Variants in SKIL observed in about 807,000 individuals in gnomAD.
The protein encoded by SKIL is SKI like proto-oncogene, also known as ski-like protein.
In SKIL, 20 loss-of-function variants were observed where a neutral mutation model predicts 69.6. That is an observed-to-expected ratio of 0.29 (90% CI 0.20 to 0.42). The LOEUF is 0.42. Ranked by LOEUF, SKIL falls within the 10% of genes least tolerant of loss-of-function variation. SKIL has a pLI of 1.00. For synonymous variants in SKIL, 310 were observed against 279.9 expected (o/e 1.11, Z -1.08); for missense variants, 745 against 783.1 (o/e 0.95, Z 0.58).
intron 6 of SKIL, 143 bp from the exon 7 acceptor site, chr3:170,392,116 A>G (rs1342853528): frequency 3.3e-6 from 2 of 599,552 alleles, no homozygotes; most frequent in East Asian, 5.9e-5. Context: ...TCAGATTAAT[A>G]GTATTAGATG....
intron 1 of SKIL, among the ~76,000 whole-genome samples, chr3:170,358,820 A>T (rs909430280): frequency 3.5e-4 from 53 of 152,262 alleles, no homozygotes; most frequent in African/African-American, 1.2e-3. Flanking sequence ...TTGTTGAAGG[A>T]TGGAGATTCC....
chr3:170,392,768 T>C lies in SKIL; in HGVS notation c.*351T>C, dbSNP rs1737992262. On this transcript the variant is annotated 3_prime_UTR_variant, in exon 7 of 7. Coordinates refer to ENST00000259119, the MANE Select transcript of SKIL (RefSeq NM_005414.5). ...GGAAAATAGCTGTGGTCAATTTTGT[T>C]ATCCATATTTCAGACTCAATTTTAG... is the stretch of plus-strand genomic sequence containing the variant. 1 of 156,502 alleles carries C rather than the reference T, an allele frequency of 6.4e-6. No homozygotes were observed. The highest frequency in any genetic ancestry group is 6.5e-5 in the Admixed American group (1 of 15,478). 9.7% of individuals were successfully genotyped at this position (156,502 alleles called of 1,614,324 possible). A position where few individuals can be genotyped will look rare whatever the true frequency, so the allele number is the denominator to read the frequency against.
rs1207560127 is a variant in SKIL at position 170,376,305 on chromosome 3, C to G, written c.1099-4939C>G. ...CAAATGATCCACCCACCTCGGCCTC[C>G]CAGAGTGCTGGGATTACAGGTGTGA... On this transcript the variant is annotated intron_variant, in intron 2 of 6. Transcript: ENST00000259119. Among the ~76,000 whole-genome samples the G allele has an allele frequency of 2.6e-5, 4 of 152,034 alleles. No homozygotes were observed. In the East Asian group the frequency reaches 7.7e-4, roughly 29 times the overall value.
chr3:170,389,400 G>A (rs565697386), intron 4 of SKIL, among the ~76,000 whole-genome samples: 214 of 147,742 alleles, frequency 1.4e-3, no homozygotes, highest in African/African-American at 5.2e-3. Flanking sequence ...TGCAAGCTCC[G>A]CCTCCCAGGT....
chr3:170,384,052 A>C (rs866264406), intron 3 of SKIL, among the ~76,000 whole-genome samples: 40 of 151,368 alleles, frequency 2.6e-4, no homozygotes, highest in East Asian at 9.7e-4. Context: ...AAAAAAAAAA[A>C]CACGAAATTA....
At chr3:170,379,340 G>T (rs1393081668) in intron 2 of SKIL, among the ~76,000 whole-genome samples, 3 of 151,980 alleles carry the variant, frequency 2.0e-5, no homozygotes, top group Non-Finnish European at 4.4e-5. Flanking sequence ...TTTTTCCCTT[G>T]TTTAACTCGT....
At chr3:170,369,682 G>A (rs748570792) in intron 2 of SKIL, among the ~76,000 whole-genome samples, 2 of 152,028 alleles carry the variant, frequency 1.3e-5, no homozygotes, top group African/African-American at 2.4e-5. Context: ...GATTACAGGC[G>A]TGAGCCACCG....
At chr3:170,361,513 T>C in intron 2 of SKIL, 84 bp downstream of exon 2, 1 of 1,027,638 alleles carries the variant, frequency 9.7e-7, no homozygotes, top group South Asian at 1.6e-5. Context: ...ACTTAACCTG[T>C]ATGTTGAACA....
chr3:170,374,194 A>AT (rs1224137208), intron 2 of SKIL, among the ~76,000 whole-genome samples: 8 of 152,048 alleles, frequency 5.3e-5, no homozygotes, highest in Non-Finnish European at 7.4e-5. Context: ...CTTATTTTAT[A>AT]TTTTTTTACT....
chr3:170,393,878 G>A lies in SKIL; in HGVS notation c.*1461G>A, dbSNP rs1273555400. The A allele has an allele frequency of 6.6e-6, 1 of 152,020 alleles. No homozygotes were observed. The highest frequency in any genetic ancestry group is 1.5e-5 in the Non-Finnish European group (1 of 67,978). The allele number at this position is 152,020 out of a possible 1,614,324, so 9.4% of individuals were successfully genotyped here. On this transcript the variant is annotated 3_prime_UTR_variant, in exon 7 of 7. Transcript: ENST00000259119. ...CATAGAAGGTAGATAATCTAATGGT[G>A]TAGAAAGAATCACTAGGTTGTCATT... is the stretch of plus-strand genomic sequence containing the variant.
chr3:170,388,801 T>G (rs546947789), intron 4 of SKIL, among the ~76,000 whole-genome samples: 1 of 152,300 alleles, frequency 6.6e-6, no homozygotes, highest in Non-Finnish European at 1.5e-5. Context: ...TTTTCTTGTT[T>G]TAGGTATCAT....
intron 2 of SKIL, among the ~76,000 whole-genome samples, chr3:170,370,446 C>A (rs1159216916): frequency 7.1e-5 from 2 of 27,986 alleles, no homozygotes; most frequent in African/African-American, 1.7e-4. Flanking sequence ...AGAGCCCCCC[C>A]CCCCCCCCCG....
chr3:170,390,772 G>A (rs889761366), intron 5 of SKIL, among the ~76,000 whole-genome samples: 66 of 152,198 alleles, frequency 4.3e-4, no homozygotes, highest in African/African-American at 1.3e-3. Context: ...GAGCCACTGC[G>A]CCCAGCCCCC....
At chr3:170,366,505 C>T (rs1022828428) in intron 2 of SKIL, among the ~76,000 whole-genome samples, 7 of 151,978 alleles carry the variant, frequency 4.6e-5, no homozygotes, top group Admixed American at 1.3e-4. Flanking sequence ...TATGGTGAAA[C>T]GCCATCTCTA....
At chr3:170,366,040 G>A (rs1736492920) in intron 2 of SKIL, among the ~76,000 whole-genome samples, 1 of 149,410 alleles carries the variant, frequency 6.7e-6, no homozygotes, top group Admixed American at 6.7e-5. Context: ...ACAGGCATGA[G>A]CCATTGCGCC....
Position 170,395,088 on chromosome 3 carries a change from T to G in SKIL, c.*2671T>G, listed in dbSNP as rs1486059439. Reference sequence around the variant, plus strand: ...ACAACCTATAAAAAGTTTTGCTAGCTCATCTTTAGAAGGAAGAAAGAATAT... The same window carrying G: ...ACAACCTATAAAAAGTTTTGCTAGCGCATCTTTAGAAGGAAGAAAGAATAT... On this transcript the variant is annotated 3_prime_UTR_variant, in exon 7 of 7. Transcript: ENST00000259119. 1 of 152,184 alleles carries G rather than the reference T, an allele frequency of 6.6e-6. No homozygotes were observed. Among genetic ancestry groups the G allele is most frequent in the African/African-American group, 2.4e-5 (1 of 41,458 alleles). The allele number at this position is 152,184 out of a possible 1,614,324, so 9.4% of individuals were successfully genotyped here. A position where few individuals can be genotyped will look rare whatever the true frequency, so the allele number is the denominator to read the frequency against.
At position 170,360,262 on chromosome 3, in the gene SKIL, C is replaced by T. The variant is rs953118441; in HGVS notation, c.-70C>T. 2.2e-5 allele frequency: 31 copies of T among 1,391,746 alleles called. No individual in the cohort carries two copies. The highest frequency in any genetic ancestry group is 2.9e-5 in the African/African-American group (2 of 69,390). 86.2% of individuals were successfully genotyped at this position (1,391,746 alleles called of 1,614,324 possible). A position where few individuals can be genotyped will look rare whatever the true frequency, so the allele number is the denominator to read the frequency against. ...GGCATTTGTATCCATTCATTACTTT[C>T]CTCTTTTCAAATAAGCAACTAAATA... is the stretch of plus-strand genomic sequence containing the variant. On this transcript the variant is annotated 5_prime_UTR_variant, in exon 2 of 7. Transcript: ENST00000259119.
intron 2 of SKIL, among the ~76,000 whole-genome samples, chr3:170,361,650 T>A (rs999531520): frequency 6.6e-6 from 1 of 152,220 alleles, no homozygotes; most frequent in African/African-American, 2.4e-5. Flanking sequence ...GTAAGACTAT[T>A]ATTCCGTTTT....
rs749615295 is a variant in SKIL at position 170,377,542 on chromosome 3, CTTTTTTTTTTTTT to C, written c.1099-3690_1099-3678del. On this transcript the variant is annotated intron_variant, in intron 2 of 6. Coordinates refer to ENST00000259119, the MANE Select transcript of SKIL (RefSeq NM_005414.5). ...ATTTCAAATTCATTGCTCAATAATT[CTTTTTTTTTTTTT>C]TTTTTTTTTTTGAGACAGAGTCTCA... 5.2e-3 allele frequency among the ~76,000 whole-genome samples: 405 copies of C among 77,398 alleles called. 3 individuals are homozygous for C. The highest frequency in any genetic ancestry group is 0.02 in the African/African-American group (385 of 18,866). 50.8% of individuals were successfully genotyped at this position (77,398 alleles called of 152,430 possible). A position where few individuals can be genotyped will look rare whatever the true frequency, so the allele number is the denominator to read the frequency against.
Sources: allele counts gnomAD v4.1 joint callset (sites outside exome capture counted in the v4.1 genomes callset), GRCh38; gene constraint gnomAD v4.1.1; transcripts MANE v1.5; gene names NCBI Gene and HGNC (gene_info 2026-07-23, HGNC 2026-07-21).